ASPRV1: variants seen among roughly 807,000 people sequenced by gnomAD.
ASPRV1 encodes the protein retroviral-like aspartic protease 1.
In ASPRV1, 7 loss-of-function variants were observed where a neutral mutation model predicts 11.0. The observed-to-expected ratio is 0.64, with a 90% CI of 0.36 to 1.20. ASPRV1 has a LOEUF of 1.20. Among genes scored for constraint, ASPRV1 ranks in the 50% most tolerant of loss-of-function variants. The pLI, the probability that ASPRV1 is intolerant of heterozygous loss-of-function variation, is 0.02. For missense variants in ASPRV1, 299 were observed against 320.0 expected, an observed-to-expected ratio of 0.93 and a Z score of 0.50; for synonymous variants, 136 against 138.4, an observed-to-expected ratio of 0.98 and a Z score of 0.12.
At chr2:70,038,837 G>A in the ASPRV1 span, among the ~76,000 whole-genome samples, 1 of 152,182 alleles carries the variant, frequency 6.6e-6, no homozygotes, top group Admixed American at 6.5e-5. Flanking sequence ...CCAGCACTTT[G>A]GGAAGCCGAG....
At chr2:69,993,926 T>C in the ASPRV1 span, 1 of 152,244 alleles carries the variant, frequency 6.6e-6, no homozygotes, top group Non-Finnish European at 1.5e-5. Flanking sequence ...GCACTCCTGT[T>C]AGGACAGTGT....
the ASPRV1 span, chr2:69,937,178 C>T: frequency 6.2e-7 from 1 of 1,600,482 alleles, no homozygotes; most frequent in African/African-American, 1.3e-5. Context: ...ATGCGGGGGC[C>T]ATTGCCCATT....
the ASPRV1 span, among the ~76,000 whole-genome samples, chr2:70,085,280 G>A: frequency 6.6e-6 from 1 of 152,188 alleles, no homozygotes; most frequent in Non-Finnish European, 1.5e-5. Context: ...CAGACCGACA[G>A]ACACCTGAGC....
chr2:70,077,704 T>C, the ASPRV1 span, among the ~76,000 whole-genome samples: 27 of 150,748 alleles, frequency 1.8e-4, no homozygotes, highest in African/African-American at 6.4e-4. Context: ...AAACACAAAA[T>C]ATTATCTGGG....
chr2:70,034,252 C>T, the ASPRV1 span, among the ~76,000 whole-genome samples: 150 of 151,052 alleles, frequency 9.9e-4, 2 homozygotes, highest in East Asian at 0.025. Flanking sequence ...CGGAGTTTCG[C>T]TCTTGTTGCC....
At chr2:70,030,480 G>C in the ASPRV1 span, 1 of 152,106 alleles carries the variant, frequency 6.6e-6, no homozygotes, top group Non-Finnish European at 1.5e-5. Context: ...ATTCCTGTAA[G>C]AGCCTGAGGG....
At chr2:69,992,134 T>A in the ASPRV1 span, among the ~76,000 whole-genome samples, 18 of 152,134 alleles carry the variant, frequency 1.2e-4, no homozygotes, top group African/African-American at 4.1e-4. Context: ...TCACTCTTAA[T>A]GATCTTTGTT....
chr2:69,964,445 G>C (rs1278240424), upstream of ASPRV1: 1 of 401,666 alleles, frequency 2.5e-6, no homozygotes, highest in East Asian at 7.3e-5. Context: ...CAGGAACATG[G>C]GTAAAGGTCA....
the ASPRV1 span, among the ~76,000 whole-genome samples, chr2:69,991,300 C>T: frequency 6.6e-6 from 1 of 152,196 alleles, no homozygotes; most frequent in African/African-American, 2.4e-5. Context: ...CTGATCTTCA[C>T]ACTCTTGGTC....
the ASPRV1 span, among the ~76,000 whole-genome samples, chr2:69,974,800 C>T: frequency 6.6e-6 from 1 of 152,158 alleles, no homozygotes; most frequent in Non-Finnish European, 1.5e-5. Context: ...TTGTTTAGAG[C>T]AGAGGTGAAA....
the ASPRV1 span, chr2:70,048,720 GTTTA>G: frequency 6.6e-6 from 1 of 152,630 alleles, no homozygotes; most frequent in Non-Finnish European, 1.5e-5. Flanking sequence ...TTCTCTTGCA[GTTTA>G]GGAAGCTACA....
At chr2:69,999,213 C>T in the ASPRV1 span, among the ~76,000 whole-genome samples, 3 of 152,210 alleles carry the variant, frequency 2.0e-5, no homozygotes, top group South Asian at 6.2e-4. Context: ...CCTGAGCATT[C>T]CTCCTGCCTC....
At chr2:69,964,866 T>G (rs190311926), upstream of ASPRV1, 1 of 152,706 alleles carries the variant, frequency 6.5e-6, no homozygotes, top group Non-Finnish European at 1.5e-5. Flanking sequence ...GCTGTTTTTT[T>G]GAAATTGTTT....
At chr2:69,982,187 CT>C in the ASPRV1 span, among the ~76,000 whole-genome samples, 1 of 152,042 alleles carries the variant, frequency 6.6e-6, no homozygotes, top group South Asian at 2.1e-4. Flanking sequence ...GATTAAATCT[CT>C]TCTATTAAGG....
At chr2:70,042,956 C>G in the ASPRV1 span, among the ~76,000 whole-genome samples, 1 of 152,114 alleles carries the variant, frequency 6.6e-6, no homozygotes, top group Non-Finnish European at 1.5e-5. Flanking sequence ...GAAATTGAAC[C>G]TCAGGGTGGA....
chr2:69,955,673 T>A (rs7583236), downstream of ASPRV1, among the ~76,000 whole-genome samples: 1 of 152,080 alleles, frequency 6.6e-6, no homozygotes, highest in African/African-American at 2.4e-5. Flanking sequence ...AGCGTGATGA[T>A]TGGATGTTTG....
At chr2:69,937,717 C>T in the ASPRV1 span, among the ~76,000 whole-genome samples, 9 of 152,266 alleles carry the variant, frequency 5.9e-5, no homozygotes, top group South Asian at 1.9e-3. Flanking sequence ...CGGGTTCAAG[C>T]GATTCCCCTG....
At chr2:69,982,422 C>G in the ASPRV1 span, among the ~76,000 whole-genome samples, 334 of 152,274 alleles carry the variant, frequency 2.2e-3, 2 homozygotes, top group Middle Eastern at 6.8e-3. Flanking sequence ...TGCCACTGCA[C>G]TCCAGCCTGG....
the ASPRV1 span, among the ~76,000 whole-genome samples, chr2:70,039,772 T>C: frequency 2.0e-5 from 3 of 152,334 alleles, no homozygotes; most frequent in African/African-American, 7.2e-5. Flanking sequence ...ACGACTTCCA[T>C]TTTACTTAGA....
Sources: allele counts gnomAD v4.1 joint callset (sites outside exome capture counted in the v4.1 genomes callset), GRCh38; gene constraint gnomAD v4.1.1; transcripts MANE v1.5; gene names NCBI Gene and HGNC (gene_info 2026-07-23, HGNC 2026-07-21).